Variants in ANKHD1 observed in about 807,000 individuals in gnomAD.
The protein encoded by ANKHD1 is ankyrin repeat and KH domain-containing protein 1.
ANKHD1 carries 31 observed loss-of-function variants against 230.5 expected under a neutral mutation model. That is an observed-to-expected ratio of 0.13 (90% CI 0.10 to 0.18). ANKHD1 has a LOEUF of 0.18. ANKHD1 is among the 10% of genes least tolerant of loss of function. The pLI, the probability that ANKHD1 is intolerant of heterozygous loss-of-function variation, is 1.00. For missense variants in ANKHD1, 2,256 were observed against 3,071.3 expected (o/e 0.73, Z 6.27); for synonymous variants, 1,074 against 1,117.6 (o/e 0.96, Z 0.78).
Position 140,458,636 on chromosome 5 carries a change from A to G in ANKHD1, c.1254A>G (p.Val418=). 6.3e-7 allele frequency: 1 copy of G among 1,592,194 alleles called. No homozygotes were observed. The highest frequency in any genetic ancestry group is 2.3e-5 in the East Asian group (1 of 44,014). The change falls in exon 8 of 34, where the codon GTA becomes GTG. Residue 418 remains valine, a synonymous_variant. Transcript: ENST00000360839. The stretch of plus-strand genomic sequence containing the variant: ...CTGAAAATCTGCAGGATGGACATGT[A>G]GAGGTGGCACGTTTGCTTTTGGATA... The part of the protein sequence containing the change: ...ALMEACMDGH[V]EVARLLLDSG...
chr5:140,515,959 G>A (rs1029077261), intron 24 of ANKHD1, among the ~76,000 whole-genome samples: 2 of 152,140 alleles, frequency 1.3e-5, no homozygotes, highest in Non-Finnish European at 2.9e-5. Flanking sequence ...TGACTTTGAC[G>A]AGCTGAGAGA....
Position 140,458,652 on chromosome 5 carries a change from C to G in ANKHD1, c.1270C>G (p.Leu424Val). Residue 424 changes from leucine to valine, a missense_variant, in exon 8 of 34, where the codon CTT (leucine) becomes GTT (valine). By Grantham distance (32) the Leu-to-Val change is conservative. Around this residue, in one of 13 missense-constraint regions of ANKHD1, gnomAD observed 179 missense variants for 261.8 expected, o/e 0.68. Coordinates refer to ENST00000360839, the MANE Select transcript of ANKHD1 (RefSeq NM_017747.3). ...TGGACATGTAGAGGTGGCACGTTTG[C>G]TTTTGGATAGTGGTGCTCAAGTGAA... ...MDGHVEVARL[L>V]LDSGAQVNMP... is the part of the protein sequence containing the mutation. The G allele has an allele frequency of 6.3e-7, 1 of 1,597,426 alleles. No homozygotes were observed. Among genetic ancestry groups the G allele is most frequent in the South Asian group, 1.1e-5 (1 of 88,876 alleles).
intron 24 of ANKHD1, among the ~76,000 whole-genome samples, chr5:140,521,781 A>C (rs1174992443): frequency 6.6e-6 from 1 of 152,180 alleles, no homozygotes; most frequent in Non-Finnish European, 1.5e-5. Flanking sequence ...GGAGTTCGAG[A>C]CCAGGCTGGC....
intron 24 of ANKHD1, among the ~76,000 whole-genome samples, chr5:140,514,383 A>G (rs183039124): frequency 4.6e-5 from 7 of 150,770 alleles, no homozygotes; most frequent in African/African-American, 1.5e-4. Flanking sequence ...AGTCCCAGCA[A>G]CTTGGGAGGG....
At chr5:140,475,275 A>T (rs186601162) in intron 10 of ANKHD1, among the ~76,000 whole-genome samples, 43 of 152,314 alleles carry the variant, frequency 2.8e-4, no homozygotes, top group Non-Finnish European at 5.3e-4. Context: ...GAAGTGCAGC[A>T]TGGATCCACA....
At chr5:140,488,137 C>T (rs1458903534) in intron 14 of ANKHD1, among the ~76,000 whole-genome samples, 1 of 152,258 alleles carries the variant, frequency 6.6e-6, no homozygotes, top group East Asian at 1.9e-4. Context: ...ATTAAACATG[C>T]ATCTGTAAGT....
intron 15 of ANKHD1, among the ~76,000 whole-genome samples, chr5:140,501,102 T>G (rs1023929981): frequency 1.3e-5 from 2 of 149,930 alleles, no homozygotes; most frequent in Non-Finnish European, 3.0e-5. Context: ...GGTTTTTGTT[T>G]TTTTTTTTTT....
intron 1 of ANKHD1, among the ~76,000 whole-genome samples, chr5:140,407,295 CA>C (rs372650696): frequency 7.3e-4 from 88 of 120,464 alleles, no homozygotes; most frequent in African/African-American, 1.5e-3. Context: ...ACTCCATCTC[CA>C]AAAAAAAAAA....
intron 2 of ANKHD1, among the ~76,000 whole-genome samples, 199 bp downstream of exon 2, chr5:140,436,456 T>C (rs560544316): frequency 6.6e-6 from 1 of 152,248 alleles, no homozygotes; most frequent in African/African-American, 2.4e-5. Flanking sequence ...GGTATTAAGA[T>C]AATGAGCGTC....
chr5:140,429,115 A>G (rs1772809891), intron 1 of ANKHD1, among the ~76,000 whole-genome samples: 1 of 136,068 alleles, frequency 7.3e-6, no homozygotes, highest in African/African-American at 2.8e-5. Flanking sequence ...TTTTTGTGAG[A>G]TGGAGTCTCG....
intron 7 of ANKHD1, among the ~76,000 whole-genome samples, chr5:140,457,765 A>G (rs1213410113): frequency 2.6e-5 from 4 of 152,068 alleles, no homozygotes; most frequent in African/African-American, 7.2e-5. Flanking sequence ...ATGAGGAGTT[A>G]ACGGATGCAG....
intron 13 of ANKHD1, chr5:140,486,128 A>G: frequency 5.1e-6 from 1 of 197,436 alleles, no homozygotes; most frequent in Non-Finnish European, 1.0e-5. Context: ...GCAGTGGCAC[A>G]ATCTCAGCTC....
Position 140,527,338 on chromosome 5 carries a change from C to T in ANKHD1, c.5087+264C>T. 3.1e-6 allele frequency: 1 copy of T among 322,556 alleles called. No individual in the cohort carries two copies. The allele number at this position is 322,556 out of a possible 1,614,324, so 20.0% of individuals were successfully genotyped here. On this transcript the variant is annotated intron_variant, in intron 27 of 33. Coordinates refer to ENST00000360839, the MANE Select transcript of ANKHD1 (RefSeq NM_017747.3). The surrounding 1 kb of genome is among the most constrained non-coding windows in gnomAD (Gnocchi z 4.5). ...GTTCAAATGTAAAGGCTTTCTCTTG[C>T]TTTTTTTCTTTCTCATGTCTCAGTA...
At chr5:140,467,070 C>T (rs531646828) in intron 10 of ANKHD1, among the ~76,000 whole-genome samples, 2 of 152,198 alleles carry the variant, frequency 1.3e-5, no homozygotes, top group East Asian at 3.9e-4. Context: ...AAATTATAGA[C>T]ACAATATATA....
rs549271085 is a variant in ANKHD1 at position 140,507,629 on chromosome 5, A to G, written c.3552-156A>G. Reference sequence around the variant, plus strand: ...GCCGGAAATTATGTTTTAAATTGTGACATTTTCTTATTCTTTATTATTGGT... The same window carrying G: ...GCCGGAAATTATGTTTTAAATTGTGGCATTTTCTTATTCTTTATTATTGGT... On this transcript the variant is annotated intron_variant, in intron 19 of 33. Coordinates refer to ENST00000360839, the MANE Select transcript of ANKHD1 (RefSeq NM_017747.3). This position sits in a 1 kb window ranked among gnomAD's most constrained non-coding sequence, Gnocchi z 4.1. 1.3e-5 allele frequency among the ~76,000 whole-genome samples: 2 copies of G among 152,302 alleles called. No homozygotes were observed. The highest frequency in any genetic ancestry group is 2.9e-5 in the Non-Finnish European group (2 of 68,020).
chr5:140,443,095 C>T (rs1026037559), intron 5 of ANKHD1, among the ~76,000 whole-genome samples: 11 of 151,660 alleles, frequency 7.3e-5, no homozygotes, highest in East Asian at 2.0e-4. Flanking sequence ...TTAGTAGAGA[C>T]GGGGTTTCAC....
chr5:140,402,348 C>T, intron 1 of ANKHD1, 75 bp downstream of exon 1: 9 of 1,378,402 alleles, frequency 6.5e-6, no homozygotes, highest in South Asian at 4.9e-5. Context: ...GGGCCGGGGC[C>T]ATCCTCCCGC....
intron 5 of ANKHD1, among the ~76,000 whole-genome samples, chr5:140,441,502 T>G (rs1581250196): frequency 6.6e-6 from 1 of 152,144 alleles, no homozygotes; most frequent in East Asian, 1.9e-4. Context: ...CTCACTTTTT[T>G]TTTTCCCCCA....
At chr5:140,532,524 C>T (rs1753879924) in intron 29 of ANKHD1, among the ~76,000 whole-genome samples, 1 of 152,036 alleles carries the variant, frequency 6.6e-6, no homozygotes, top group South Asian at 2.1e-4. Context: ...CAGCCTCAAC[C>T]TCCTGGGCTT....
Sources: allele counts gnomAD v4.1 joint callset (sites outside exome capture counted in the v4.1 genomes callset), GRCh38; gene constraint gnomAD v4.1.1; regional missense constraint gnomAD v4.1.1; non-coding constraint Gnocchi (gnomAD v3.1); transcripts MANE v1.5; gene names NCBI Gene and HGNC (gene_info 2026-07-23, HGNC 2026-07-21).